ATP11B: variants seen among roughly 807,000 people sequenced by gnomAD.
The protein encoded by ATP11B is phospholipid-transporting ATPase IF.
In ATP11B, 81 loss-of-function variants were observed where a neutral mutation model predicts 157.8. The observed-to-expected ratio is 0.51, with a 90% CI of 0.43 to 0.62. The LOEUF is 0.62. ATP11B is among the 20% of genes least tolerant of loss of function. The pLI is 0.00. For synonymous variants in ATP11B, 451 were observed against 469.4 expected (o/e 0.96, Z 0.51); for missense variants, 1,165 against 1,402.2 (o/e 0.83, Z 2.70).
intron 15 of ATP11B, among the ~76,000 whole-genome samples, chr3:182,868,497 T>A (rs541686746): frequency 6.6e-6 from 1 of 152,096 alleles, no homozygotes; most frequent in African/African-American, 2.4e-5. Flanking sequence ...TGGAAGACTT[T>A]AAGCCACACC....
At chr3:182,846,789 A>G (rs1719566625) in intron 9 of ATP11B, among the ~76,000 whole-genome samples, 2 of 152,214 alleles carry the variant, frequency 1.3e-5, no homozygotes, top group Non-Finnish European at 2.9e-5. Context: ...ATAGAGACTG[A>G]AAACAGATTA....
intron 28 of ATP11B, chr3:182,908,578 ATCTT>A: frequency 6.6e-6 from 1 of 152,244 alleles, no homozygotes; most frequent in Non-Finnish European, 1.5e-5. Context: ...TTTTATAACA[ATCTT>A]TCTAAGTTGT....
chr3:182,872,442 G>A lies in ATP11B; in HGVS notation c.1953G>A (p.Arg651=). The change falls in exon 18 of 30, where the codon AGG becomes AGA. Residue 651 remains arginine (R), a synonymous_variant. Coordinates refer to ENST00000323116, the MANE Select transcript of ATP11B (RefSeq NM_014616.3). ...TAGATAAACGCATATTTGAAGCCAG[G>A]ACTGCCTTGCAGCAGCGGGAAGAGA... is the stretch of plus-strand genomic sequence containing the variant. ...EEIDKRIFEA[R]TALQQREEKL... 6.2e-7 allele frequency: 1 copy of A among 1,614,092 alleles called. No individual in the cohort carries two copies. The highest frequency in any genetic ancestry group is 2.2e-5 in the East Asian group (1 of 44,872).
At chr3:182,819,596 A>G (rs1018037141) in intron 1 of ATP11B, among the ~76,000 whole-genome samples, 1 of 152,212 alleles carries the variant, frequency 6.6e-6, no homozygotes, top group Non-Finnish European at 1.5e-5. Flanking sequence ...CAGGAATTAC[A>G]GCATATTCAT....
chr3:182,828,009 A>T, intron 2 of ATP11B, 111 bp from the exon 3 acceptor site: 1 of 412,740 alleles, frequency 2.4e-6, no homozygotes, highest in Non-Finnish European at 4.3e-6. Context: ...ATAGACTTAC[A>T]GAATTTTGTC....
intron 3 of ATP11B, among the ~76,000 whole-genome samples, chr3:182,829,180 G>A (rs937989119): frequency 6.6e-6 from 1 of 152,070 alleles, no homozygotes; most frequent in African/African-American, 2.4e-5. Context: ...GCTTGTCCAT[G>A]GAATAGAACA....
At position 182,898,757 on chromosome 3, in the gene ATP11B, T is replaced by C; in HGVS notation, c.3303T>C (p.Ser1101=). ...TTGACCGACACCTCCACCCTACAAG[T>C]ACTGAAAAGGCACAGGTAACCACTT... ...KVFDRHLHPT[S]TEKAQLTETN... The change falls in exon 28 of 30, where the codon AGT becomes AGC. Residue 1101 remains serine, a synonymous_variant. Coordinates refer to ENST00000323116, the MANE Select transcript of ATP11B (RefSeq NM_014616.3). 6.5e-7 allele frequency: 1 copy of C among 1,549,606 alleles called. No homozygotes were observed. The highest frequency in any genetic ancestry group is 1.4e-5 in the African/African-American group (1 of 72,506).
chr3:182,839,524 G>A (rs1298456088), intron 7 of ATP11B, among the ~76,000 whole-genome samples: 2 of 152,050 alleles, frequency 1.3e-5, no homozygotes, highest in East Asian at 3.8e-4. Context: ...TGGAGGAATT[G>A]TAGATCAAAA....
intron 28 of ATP11B, 110 bp downstream of exon 28, chr3:182,898,882 T>G: frequency 1.5e-6 from 1 of 687,058 alleles, no homozygotes. Context: ...TAGCCATTCC[T>G]GTTTCAACTA....
At chr3:182,878,174 C>G (rs1722174583) in intron 19 of ATP11B, among the ~76,000 whole-genome samples, 1 of 152,166 alleles carries the variant, frequency 6.6e-6, no homozygotes, top group Non-Finnish European at 1.5e-5. Flanking sequence ...GAATTGCTTA[C>G]CACTTATAGC....
At chr3:182,805,759 C>G (rs1211827673) in intron 1 of ATP11B, among the ~76,000 whole-genome samples, 1 of 151,912 alleles carries the variant, frequency 6.6e-6, no homozygotes, top group African/African-American at 2.4e-5. Flanking sequence ...CCGCACTGGG[C>G]CGCTTGTTTT....
intron 28 of ATP11B, chr3:182,902,640 G>T (rs974045897): frequency 3.2e-6 from 3 of 928,470 alleles, no homozygotes; most frequent in South Asian, 3.3e-5. Context: ...CAAAAGATGG[G>T]CAGAGGCATA....
chr3:182,863,793 C>T (rs973866818), intron 12 of ATP11B, among the ~76,000 whole-genome samples: 6 of 151,970 alleles, frequency 3.9e-5, no homozygotes, highest in Non-Finnish European at 7.4e-5. Context: ...TCCTCCATGA[C>T]TGATAGTGCA....
chr3:182,873,259 C>G (rs923612783), intron 18 of ATP11B, among the ~76,000 whole-genome samples: 6 of 152,188 alleles, frequency 3.9e-5, no homozygotes, highest in East Asian at 1.9e-4. Flanking sequence ...AGATTGAATT[C>G]TGCAGATTAA....
At chr3:182,866,247 A>C in intron 13 of ATP11B, 21 bp from the exon 14 acceptor site, 1 of 1,478,870 alleles carries the variant, frequency 6.8e-7, no homozygotes, top group Non-Finnish European at 9.1e-7. Flanking sequence ...TTTATCATGA[A>C]TATTAATTAC....
intron 25 of ATP11B, among the ~76,000 whole-genome samples, chr3:182,894,994 C>T (rs1157670047): frequency 6.6e-6 from 1 of 150,384 alleles, no homozygotes; most frequent in Admixed American, 6.7e-5. Flanking sequence ...AGTGTGGTGG[C>T]GTGTGCCTCT....
At chr3:182,891,843 T>G (rs966291187) in intron 25 of ATP11B, among the ~76,000 whole-genome samples, 10 of 152,194 alleles carry the variant, frequency 6.6e-5, no homozygotes, top group Admixed American at 2.0e-4. Context: ...GTTTGAGTGA[T>G]TTGGGATGAG....
intron 7 of ATP11B, among the ~76,000 whole-genome samples, chr3:182,839,323 T>G (rs1481359160): frequency 6.6e-6 from 1 of 152,132 alleles, no homozygotes; most frequent in African/African-American, 2.4e-5. Context: ...AAATAACTGT[T>G]GGGTACTAGA....
At chr3:182,875,125 GC>G (rs970427895) in intron 19 of ATP11B, among the ~76,000 whole-genome samples, 3 of 152,112 alleles carry the variant, frequency 2.0e-5, no homozygotes, top group African/African-American at 7.2e-5. Flanking sequence ...GGCAAATGAT[GC>G]CCCATTTAAC....
Sources: gnomAD v4.1 joint callset for allele counts (sites outside exome capture counted in the v4.1 genomes callset) on GRCh38, gnomAD v4.1.1 for gene constraint, MANE v1.5 for transcripts, NCBI Gene and HGNC (gene_info 2026-07-23, HGNC 2026-07-21) for gene names.